Variants in KLHL1 observed in about 807,000 individuals in gnomAD.
The protein encoded by KLHL1 is kelch like family member 1, also known as kelch-like protein 1.
In KLHL1, 47 loss-of-function variants were observed where a neutral mutation model predicts 77.7. That is an observed-to-expected ratio of 0.60 (90% CI 0.48 to 0.77). The LOEUF (loss-of-function observed/expected upper bound fraction) is 0.77, where lower values mean the gene tolerates loss of function less well. Among genes scored for constraint, KLHL1 ranks in the 30% least tolerant of loss-of-function variants. The pLI is 0.00. For synonymous variants in KLHL1, 360 were observed against 325.2 expected, an observed-to-expected ratio of 1.11 and a Z score of -1.15; for missense variants, 925 against 910.8, an observed-to-expected ratio of 1.02 and a Z score of -0.20.
At chr13:69,862,061 G>A (rs962848224) in intron 5 of KLHL1, among the ~76,000 whole-genome samples, 4 of 151,386 alleles carry the variant, frequency 2.6e-5, no homozygotes, top group South Asian at 2.1e-4. Context: ...GAATATTATC[G>A]TTGTTTAGTT....
rs560074117 is a variant in KLHL1 at position 69,980,863 on chromosome 13, T to C, written c.498-5061A>G. Among the ~76,000 whole-genome samples, 7 of 152,310 alleles carry C rather than the reference T, an allele frequency of 4.6e-5. No homozygotes were observed. The East Asian group carries it at 1.3e-3, about 29-fold the overall frequency. ...TCAAACATTTTAGGAGTTCAACAAC[T>C]ATTTGTTGAATAAATGCATAAATAT... On this transcript the variant is annotated intron_variant, in intron 1 of 10. Transcript: ENST00000377844.
chr13:69,960,092 G>A (rs1174434487), intron 3 of KLHL1, among the ~76,000 whole-genome samples: 6 of 144,306 alleles, frequency 4.2e-5, no homozygotes, highest in African/African-American at 1.5e-4. Context: ...TTGAGATTAA[G>A]CAGTCAGAGC....
At chr13:69,928,469 C>T (rs572193776) in intron 4 of KLHL1, among the ~76,000 whole-genome samples, 89 of 152,314 alleles carry the variant, frequency 5.8e-4, no homozygotes, top group Admixed American at 1.7e-3. Context: ...GGCTACAAAC[C>T]TATTAAAATT....
rs923613385 is a variant in KLHL1, at chr13:69,940,079, T to C, written c.975A>G (p.Gly325=). ...GGGCCACCTTCATTAACTCAATGCA[T>C]CCTTGAGCATCTGCGAAGGCTCGAA... ...LGIRAFADAQ[G]CIELMKVAHS... The change falls in exon 4 of 11, where the codon GGA becomes GGG. Residue 325 remains glycine (G), a synonymous_variant. Transcript: ENST00000377844. 36 of 1,612,322 alleles carry C rather than the reference T, an allele frequency of 2.2e-5. No individual in the cohort carries two copies. Among genetic ancestry groups the C allele is most frequent in the Non-Finnish European group, 3.1e-5 (36 of 1,179,284 alleles).
At chr13:69,855,944 TATTA>T (rs1222835902) in intron 5 of KLHL1, among the ~76,000 whole-genome samples, 1 of 147,574 alleles carries the variant, frequency 6.8e-6, no homozygotes, top group East Asian at 2.0e-4. Context: ...ATGTTTTATA[TATTA>T]TATATGTTAT....
intron 1 of KLHL1, among the ~76,000 whole-genome samples, chr13:70,093,023 T>C (rs924648727): frequency 7.2e-5 from 11 of 152,262 alleles, no homozygotes; most frequent in Middle Eastern, 3.4e-3. Context: ...TAAATTATGA[T>C]TTTATTTTTA....
At chr13:70,025,224 T>G (rs1272458006) in intron 1 of KLHL1, among the ~76,000 whole-genome samples, 1 of 151,998 alleles carries the variant, frequency 6.6e-6, no homozygotes, top group African/African-American at 2.4e-5. Context: ...AAATAAATGT[T>G]TTCAATGTAT....
At chr13:69,898,918 G>A (rs1378410092) in intron 4 of KLHL1, among the ~76,000 whole-genome samples, 1 of 152,112 alleles carries the variant, frequency 6.6e-6, no homozygotes, top group Non-Finnish European at 1.5e-5. Context: ...TCAGTCTTTG[G>A]TGCTAGAGAC....
intron 8 of KLHL1, among the ~76,000 whole-genome samples, chr13:69,733,100 T>A (rs1873620825): frequency 2.0e-5 from 3 of 152,240 alleles, no homozygotes; most frequent in South Asian, 2.1e-4. Context: ...AATATTAAAA[T>A]ATCTTTGTTT....
chr13:70,037,444 C>G (rs1013681587), intron 1 of KLHL1, among the ~76,000 whole-genome samples: 3 of 151,960 alleles, frequency 2.0e-5, no homozygotes, highest in African/African-American at 7.2e-5. Context: ...GAATCAGGGT[C>G]TTCCTTCTGT....
chr13:69,808,813 G>C (rs1286183866), intron 6 of KLHL1, among the ~76,000 whole-genome samples: 1 of 151,986 alleles, frequency 6.6e-6, no homozygotes, highest in African/African-American at 2.4e-5. Flanking sequence ...TCAACACAAA[G>C]AAGCTAGAAA....
chr13:69,873,291 TC>T (rs147103216), intron 5 of KLHL1, among the ~76,000 whole-genome samples: 10 of 152,208 alleles, frequency 6.6e-5, no homozygotes, highest in Non-Finnish European at 1.3e-4. Flanking sequence ...TAAATAATTT[TC>T]CAATTATCTT....
intron 7 of KLHL1, among the ~76,000 whole-genome samples, chr13:69,777,731 T>C (rs1326836511): frequency 6.6e-6 from 1 of 152,140 alleles, no homozygotes; most frequent in Non-Finnish European, 1.5e-5. Context: ...AATTATCTAT[T>C]TTGACTTGAA....
At chr13:70,014,280 A>T (rs1885604214) in intron 1 of KLHL1, among the ~76,000 whole-genome samples, 1 of 152,094 alleles carries the variant, frequency 6.6e-6, no homozygotes, top group African/African-American at 2.4e-5. Flanking sequence ...GGAAAGAAGC[A>T]TTTCACAGTA....
intron 1 of KLHL1, among the ~76,000 whole-genome samples, chr13:70,016,241 A>G (rs1337954120): frequency 6.6e-6 from 1 of 152,256 alleles, no homozygotes; most frequent in Non-Finnish European, 1.5e-5. Flanking sequence ...GACACACACC[A>G]GCTGCAGTGA....
At chr13:69,722,780 A>G (rs575229636) in intron 8 of KLHL1, among the ~76,000 whole-genome samples, 1 of 152,202 alleles carries the variant, frequency 6.6e-6, no homozygotes, top group East Asian at 1.9e-4. Context: ...AAAAATTACA[A>G]GTAGATTCAC....
intron 4 of KLHL1, among the ~76,000 whole-genome samples, chr13:69,925,415 T>C (rs1403172495): frequency 6.6e-6 from 1 of 152,200 alleles, no homozygotes; most frequent in Non-Finnish European, 1.5e-5. Context: ...ATTAATATTT[T>C]AGTGCAATCA....
At chr13:70,093,191 C>T (rs898863412) in intron 1 of KLHL1, among the ~76,000 whole-genome samples, 5 of 151,778 alleles carry the variant, frequency 3.3e-5, no homozygotes, top group Non-Finnish European at 7.4e-5. Flanking sequence ...GATTTGAGGA[C>T]AAGGGAAGAG....
chr13:69,873,314 A>G (rs966601074), intron 5 of KLHL1, among the ~76,000 whole-genome samples: 3 of 152,298 alleles, frequency 2.0e-5, no homozygotes, highest in East Asian at 1.9e-4. Flanking sequence ...TCTAAATTCA[A>G]TCCATACACT....
Sources: gnomAD v4.1 joint callset for allele counts (sites outside exome capture counted in the v4.1 genomes callset) on GRCh38, gnomAD v4.1.1 for gene constraint, MANE v1.5 for transcripts, NCBI Gene and HGNC (gene_info 2026-07-23, HGNC 2026-07-21) for gene names.